NTRK2: variants seen among roughly 807,000 people sequenced by gnomAD.
NTRK2 encodes the protein BDNF/NT-3 growth factors receptor.
A neutral mutation model predicts 94.5 loss-of-function variants in NTRK2; 13 were observed. The ratio of observed to expected loss-of-function variants is 0.14; its 90% CI spans 0.09 to 0.22. NTRK2 has a LOEUF of 0.22. NTRK2 is among the 10% of genes least tolerant of loss of function. The pLI, the probability that NTRK2 is intolerant of heterozygous loss-of-function variation, is 1.00. For synonymous variants in NTRK2, 372 were observed against 407.4 expected (o/e 0.91, Z 1.05); for missense variants, 639 against 1,071.2 (o/e 0.60, Z 5.63).
At chr9:84,688,648 C>T (rs2059863019) in intron 2 of NTRK2, among the ~76,000 whole-genome samples, 1 of 152,106 alleles carries the variant, frequency 6.6e-6, no homozygotes, top group African/African-American at 2.4e-5. Context: ...TATTATTGCC[C>T]CTGAAAGTTC....
chr9:84,872,010 T>A (rs2075883320), intron 14 of NTRK2: 4 of 1,496,842 alleles, frequency 2.7e-6, no homozygotes. Context: ...TGTGCTCTAA[T>A]GACTAACCCC....
intron 2 of NTRK2, among the ~76,000 whole-genome samples, chr9:84,697,717 G>A (rs1451936917): frequency 2.6e-5 from 4 of 152,206 alleles, no homozygotes; most frequent in Non-Finnish European, 4.4e-5. Context: ...AGGGGGCAGC[G>A]CAGCACACAC....
chr9:84,710,844 C>A, intron 6 of NTRK2, 53 bp downstream of exon 6: 1 of 1,584,112 alleles, frequency 6.3e-7, no homozygotes, highest in Non-Finnish European at 8.7e-7. Flanking sequence ...ATTCTCATTG[C>A]CTTGGTGCGG....
intron 4 of NTRK2, among the ~76,000 whole-genome samples, chr9:84,707,042 C>T (rs999523895): frequency 2.0e-5 from 3 of 152,158 alleles, no homozygotes; most frequent in African/African-American, 2.4e-5. Context: ...TAAACAAATT[C>T]GCAGAGTGAG....
intron 17 of NTRK2, among the ~76,000 whole-genome samples, chr9:85,013,610 A>G (rs1321998188): frequency 6.6e-6 from 1 of 152,166 alleles, no homozygotes; most frequent in Non-Finnish European, 1.5e-5. Context: ...CAGATATAAC[A>G]TGTAATAAAT....
rs142503000 is a variant in NTRK2 at position 84,683,640 on chromosome 9, G to T, written c.212+12680G>T. 2.8e-3 allele frequency among the ~76,000 whole-genome samples: 429 copies of T among 152,180 alleles called. 5 individuals carry two copies. Among genetic ancestry groups the T allele is most frequent in the African/African-American group, 9.3e-3 (388 of 41,506 alleles). On this transcript the variant is annotated intron_variant, in intron 2 of 18. Coordinates refer to ENST00000277120, the MANE Select transcript of NTRK2 (RefSeq NM_006180.6). ...AGTCTTTGCTATTGTAAATAGTGCC[G>T]CAATAAATATATGTGTGCATGTGTC...
chr9:84,686,688 T>G (rs1030293687), intron 2 of NTRK2, among the ~76,000 whole-genome samples: 2 of 152,252 alleles, frequency 1.3e-5, no homozygotes, highest in Non-Finnish European at 1.5e-5. Flanking sequence ...ACATATACTT[T>G]TGCACTTTTG....
intron 6 of NTRK2, among the ~76,000 whole-genome samples, chr9:84,718,009 CCTT>C (rs1030239458): frequency 7.3e-5 from 11 of 149,976 alleles, no homozygotes; most frequent in Admixed American, 2.0e-4. Flanking sequence ...TTCTCCTTCT[CCTT>C]CTTCTTCTTC....
intron 12 of NTRK2, among the ~76,000 whole-genome samples, chr9:84,855,776 A>C (rs1001185041): frequency 6.6e-6 from 1 of 152,268 alleles, no homozygotes; most frequent in Admixed American, 6.5e-5. Flanking sequence ...CGCCCACATA[A>C]CAATACCAAG....
Position 85,026,186 on chromosome 9 carries a change from A to C in NTRK2, c.*4749A>C. 1 of 228,918 alleles carries C rather than the reference A, an allele frequency of 4.4e-6. No homozygotes were observed. The highest frequency in any genetic ancestry group is 8.7e-6 in the Non-Finnish European group (1 of 115,422). The allele number at this position is 228,918 out of a possible 1,614,324, so 14.2% of individuals were successfully genotyped here. ...TATGTGTTGTAGGCAAAACACTGTG[A>C]ATTTCACAACAACCACCACCAAGCA... On this transcript the variant is annotated 3_prime_UTR_variant, in exon 19 of 19. Transcript: ENST00000277120.
intron 8 of NTRK2, 47 bp from the exon 9 acceptor site, chr9:84,727,607 G>A: frequency 1.3e-6 from 2 of 1,577,320 alleles, no homozygotes; most frequent in Non-Finnish European, 1.7e-6. Flanking sequence ...GAGATGGGGA[G>A]AATTCTGAGC....
intron 12 of NTRK2, among the ~76,000 whole-genome samples, chr9:84,854,801 G>T (rs1358106275): frequency 1.3e-5 from 2 of 151,974 alleles, no homozygotes; most frequent in East Asian, 1.9e-4. Flanking sequence ...ACAAAAATTA[G>T]CCGGGCATGA....
At chr9:84,674,590 A>G (rs957816617) in intron 2 of NTRK2, among the ~76,000 whole-genome samples, 21 of 152,252 alleles carry the variant, frequency 1.4e-4, no homozygotes, top group African/African-American at 4.8e-4. Flanking sequence ...TGTGTCTTAT[A>G]TGCATTTAAG....
intron 9 of NTRK2, among the ~76,000 whole-genome samples, chr9:84,733,124 G>A (rs1237316539): frequency 3.3e-5 from 5 of 152,172 alleles, no homozygotes; most frequent in Non-Finnish European, 7.3e-5. Context: ...TGTCCTCTGA[G>A]CCATCCGTTT....
chr9:84,721,532 T>C (rs963851874), intron 6 of NTRK2, among the ~76,000 whole-genome samples: 1 of 152,014 alleles, frequency 6.6e-6, no homozygotes, highest in Non-Finnish European at 1.5e-5. Flanking sequence ...CATGAAAAAA[T>C]GTGAAGACAG....
intron 17 of NTRK2, among the ~76,000 whole-genome samples, chr9:84,965,015 C>G (rs1375386003): frequency 6.6e-6 from 1 of 151,988 alleles, no homozygotes; most frequent in Non-Finnish European, 1.5e-5. Context: ...TTAAAGTTTC[C>G]CTGCCTACAC....
At chr9:84,998,412 T>A (rs928399266) in intron 17 of NTRK2, among the ~76,000 whole-genome samples, 4 of 152,208 alleles carry the variant, frequency 2.6e-5, no homozygotes, top group African/African-American at 9.6e-5. Context: ...TCCCAAGTCC[T>A]GCCCAACCCT....
At chr9:84,808,184 T>A (rs2071344614) in intron 12 of NTRK2, among the ~76,000 whole-genome samples, 1 of 152,150 alleles carries the variant, frequency 6.6e-6, no homozygotes, top group African/African-American at 2.4e-5. Context: ...ATGGCAATGG[T>A]CCAGTAGAAC....
In NTRK2 at chr9:84,726,951, C is replaced by T. The variant is rs995625363; in HGVS notation, c.854-703C>T. The stretch of plus-strand genomic sequence containing the variant: ...GCTTTATATCTAAAGTTGAAATAAT[C>T]CCTACTCTGTCCAGGCTTAGATTGG... On this transcript the variant is annotated intron_variant, in intron 8 of 18. Coordinates refer to ENST00000277120, the MANE Select transcript of NTRK2 (RefSeq NM_006180.6). 3.3e-5 allele frequency among the ~76,000 whole-genome samples: 5 copies of T among 152,148 alleles called. 1 individual carries two copies. The highest frequency in any genetic ancestry group is 4.1e-4 in the South Asian group (2 of 4,828).
Sources: gnomAD v4.1 joint callset for allele counts (sites outside exome capture counted in the v4.1 genomes callset) on GRCh38, gnomAD v4.1.1 for gene constraint, MANE v1.5 for transcripts, NCBI Gene and HGNC (gene_info 2026-07-23, HGNC 2026-07-21) for gene names.